PCDHA2: variants seen among roughly 807,000 people sequenced by gnomAD.
PCDHA2 encodes the protein protocadherin alpha 2.
A neutral mutation model predicts 66.0 loss-of-function variants in PCDHA2; 58 were observed. That is an observed-to-expected ratio of 0.88 (90% CI 0.71 to 1.09). The LOEUF is 1.09. Ranked by LOEUF, PCDHA2 falls within the 50% of genes least tolerant of loss-of-function variation. The pLI is 0.00. For missense variants in PCDHA2, 1,267 were observed against 1,242.3 expected (o/e 1.02, Z -0.30); for synonymous variants, 634 against 554.0 (o/e 1.14, Z -2.03).
chr5:140,832,245 C>T lies in PCDHA2; in HGVS notation c.2388+34893C>T, dbSNP rs2150200426. ...AGTTGGTTTTGACTTTTTGTGTTGT[C>T]CATGTTCCCAGGAAATATTAGACTA... On this transcript the variant is annotated intron_variant, in intron 1 of 3. Coordinates refer to ENST00000526136, the MANE Select transcript of PCDHA2 (RefSeq NM_018905.3). Among the ~76,000 whole-genome samples, 254 of 152,260 alleles carry T rather than the reference C, an allele frequency of 1.7e-3. 1 individual carries two copies. Among genetic ancestry groups the T allele is most frequent in the African/African-American group, 5.9e-3 (244 of 41,568 alleles).
At chr5:140,848,694 G>A (rs2150417748) in intron 1 of PCDHA2, 1 of 1,592,460 alleles carries the variant, frequency 6.3e-7, no homozygotes, top group Admixed American at 1.7e-5. Context: ...GTTCCAGTTG[G>A]ATTCCAAAGG....
intron 1 of PCDHA2, among the ~76,000 whole-genome samples, chr5:140,894,384 T>A (rs1554186071): frequency 6.6e-6 from 1 of 152,046 alleles, no homozygotes; most frequent in Admixed American, 6.5e-5. Flanking sequence ...ATTATATTTG[T>A]ATTAGATATT....
At chr5:140,916,273 G>C (rs962847536) in intron 1 of PCDHA2, among the ~76,000 whole-genome samples, 7 of 152,176 alleles carry the variant, frequency 4.6e-5, no homozygotes, top group African/African-American at 1.7e-4. Flanking sequence ...CATGCTTGTT[G>C]CTCTACTCCA....
intron 1 of PCDHA2, among the ~76,000 whole-genome samples, chr5:140,874,298 G>T (rs887601408): frequency 1.3e-5 from 2 of 152,114 alleles, no homozygotes; most frequent in African/African-American, 2.4e-5. Context: ...ATGTGTACTT[G>T]TTCACAATGA....
intron 1 of PCDHA2, chr5:140,856,396 C>G: frequency 6.3e-7 from 1 of 1,598,526 alleles, no homozygotes. Flanking sequence ...TGCAGGTTTT[C>G]CATGTGGACG....
chr5:140,835,821 G>A lies in PCDHA2; in HGVS notation c.2388+38469G>A, dbSNP rs2150245813. ...CTGCCACATCTTCACTGTGTCGGCG[G>A]GGGACGCGGACGCGCAGAAGAACGC... is the stretch of plus-strand genomic sequence containing the variant. On this transcript the variant is annotated intron_variant, in intron 1 of 3. Transcript: ENST00000526136. The A allele has an allele frequency of 1.9e-6, 3 of 1,612,596 alleles. No homozygotes were observed. In the African/African-American group the frequency reaches 4.0e-5, roughly 22 times the overall value.
At chr5:140,949,336 A>G (rs1585327315) in intron 1 of PCDHA2, among the ~76,000 whole-genome samples, 1 of 151,920 alleles carries the variant, frequency 6.6e-6, no homozygotes, top group South Asian at 2.1e-4. Context: ...ATTGTTATCC[A>G]GATTTTCTGT....
intron 1 of PCDHA2, chr5:140,862,594 A>G: frequency 2.0e-6 from 1 of 509,532 alleles, no homozygotes; most frequent in Non-Finnish European, 4.0e-6. Flanking sequence ...GCCCGAGTAC[A>G]TGGTGTTCGT....
chr5:140,882,066 T>G (rs1198525083), intron 1 of PCDHA2: 1 of 845,446 alleles, frequency 1.2e-6, no homozygotes, highest in East Asian at 2.7e-5. Context: ...TACACGTTCA[T>G]GCGCATGGTG....
intron 3 of PCDHA2, among the ~76,000 whole-genome samples, chr5:140,992,035 G>C (rs529236840): frequency 6.6e-6 from 1 of 151,988 alleles, no homozygotes; most frequent in South Asian, 2.1e-4. Flanking sequence ...GTGTGTGTGT[G>C]TGTGTGTGTG....
chr5:140,877,162 G>T (rs782642663), intron 1 of PCDHA2: 3 of 1,613,832 alleles, frequency 1.9e-6, no homozygotes, highest in Non-Finnish European at 1.7e-6. Context: ...CAACGCGCCG[G>T]CACTGCTGGC....
intron 1 of PCDHA2, chr5:140,823,729 G>A (rs1244512235): frequency 6.2e-7 from 1 of 1,613,780 alleles, no homozygotes; most frequent in Non-Finnish European, 8.5e-7. Flanking sequence ...GCTGGTGAAG[G>A]ACCATGGAGA....
At chr5:140,945,954 A>G (rs187878503) in intron 1 of PCDHA2, among the ~76,000 whole-genome samples, 130 of 152,264 alleles carry the variant, frequency 8.5e-4, no homozygotes, top group Non-Finnish European at 1.6e-3. Flanking sequence ...ATGACCCTGA[A>G]AGCACAGGCA....
chr5:140,952,873 A>G (rs1554220663), intron 1 of PCDHA2, among the ~76,000 whole-genome samples: 1 of 152,168 alleles, frequency 6.6e-6, no homozygotes, highest in South Asian at 2.1e-4. Context: ...GGAAACTTAC[A>G]ATCATGGTGG....
Position 140,927,906 on chromosome 5 carries a change from C to T in PCDHA2, c.2389-51043C>T, listed in dbSNP as rs116016831. On this transcript the variant is annotated intron_variant, in intron 1 of 3. Coordinates refer to ENST00000526136, the MANE Select transcript of PCDHA2 (RefSeq NM_018905.3). ...TGACTGACGTGAACGATCATGCCCC[C>T]GAACTGGACTTCCTGACTCTTTCGA... is the stretch of plus-strand genomic sequence containing the variant. 5,195 of 1,614,178 alleles carry T rather than the reference C, an allele frequency of 3.2e-3. 26 individuals are homozygous for T. The highest frequency in any genetic ancestry group is 0.019 in the African/African-American group (1,450 of 75,038).
At chr5:140,871,279 C>G in intron 1 of PCDHA2, 2 of 1,613,946 alleles carry the variant, frequency 1.2e-6, no homozygotes, top group Non-Finnish European at 1.7e-6. Flanking sequence ...GTCGGCAACG[C>G]CCACTGAGGG....
chr5:140,851,821 C>A, intron 1 of PCDHA2: 1 of 958,244 alleles, frequency 1.0e-6, no homozygotes, highest in Non-Finnish European at 1.3e-6. Context: ...AGACAGAAAT[C>A]TGTTTTTTTA....
At position 140,929,210 on chromosome 5, in the gene PCDHA2, G is replaced by A. The variant is rs782078369; in HGVS notation, c.2389-49739G>A. The A allele has an allele frequency of 1.9e-6, 3 of 1,613,952 alleles. No individual in the cohort carries two copies. The South Asian group carries it at 3.3e-5, about 18-fold the overall frequency. The stretch of plus-strand genomic sequence containing the variant: ...GATAATAACAGTTTGCTGTTGCGTG[G>A]GGAGTACAATGCTGCCGACCTGCGA... On this transcript the variant is annotated intron_variant, in intron 1 of 3. Transcript: ENST00000526136.
At position 140,871,619 on chromosome 5, in the gene PCDHA2, A is replaced by G. The variant is rs1214249274; in HGVS notation, c.2388+74267A>G. ...ACCAGTGTTTTGAATATTGTTTTAG[A>G]TAACAATGTCTGTTCATAAAATACC... On this transcript the variant is annotated intron_variant, in intron 1 of 3. Coordinates refer to ENST00000526136, the MANE Select transcript of PCDHA2 (RefSeq NM_018905.3). 17 of 1,415,418 alleles carry G rather than the reference A, an allele frequency of 1.2e-5. No individual in the cohort carries two copies. In the Admixed American group the frequency reaches 3.9e-4, roughly 33 times the overall value. The allele number at this position is 1,415,418 out of a possible 1,614,324, so 87.7% of individuals were successfully genotyped here.
Sources: gnomAD v4.1 joint callset for allele counts (sites outside exome capture counted in the v4.1 genomes callset) on GRCh38, gnomAD v4.1.1 for gene constraint, MANE v1.5 for transcripts, NCBI Gene and HGNC (gene_info 2026-07-23, HGNC 2026-07-21) for gene names.